Variants in LPA observed in about 807,000 individuals in gnomAD.
LPA encodes the protein lipoprotein(a), also known as apolipoprotein(a).
In LPA, 199 loss-of-function variants were observed where a neutral mutation model predicts 197.9. The ratio of observed to expected loss-of-function variants is 1.01; its 90% CI spans 0.90 to 1.13. The LOEUF (loss-of-function observed/expected upper bound fraction) is 1.13. LPA is among the 50% of genes most tolerant of loss of function. The probability of loss-of-function intolerance (pLI) is 0.00; values close to 1 mark genes in which losing one functional copy is unlikely to be tolerated. For missense variants in LPA, 1,853 were observed against 1,785.8 expected, an observed-to-expected ratio of 1.04 and a Z score of -0.68; for synonymous variants, 715 against 639.5, an observed-to-expected ratio of 1.12 and a Z score of -1.78.
intron 15 of LPA, 55 bp from the exon 16 acceptor site, chr6:160,611,776 T>G: frequency 2.4e-6 from 3 of 1,258,860 alleles, no homozygotes; most frequent in Middle Eastern, 2.3e-4. Flanking sequence ...ACGAAATATG[T>G]GAAGCCATTT....
chr6:160,597,210 T>A (rs1373289702), intron 20 of LPA, among the ~76,000 whole-genome samples: 2 of 152,220 alleles, frequency 1.3e-5, no homozygotes, highest in Non-Finnish European at 2.9e-5. Flanking sequence ...ATGTCTAATT[T>A]TCTGCATATT....
chr6:160,611,174 C>T (rs1251426105), intron 16 of LPA, among the ~76,000 whole-genome samples: 1 of 152,102 alleles, frequency 6.6e-6, no homozygotes, highest in Admixed American at 6.5e-5. Context: ...CTCATGAGCC[C>T]AGACAGAAAA....
intron 17 of LPA, 144 bp downstream of exon 17, chr6:160,606,333 G>T (rs1461048636): frequency 8.9e-6 from 11 of 1,240,886 alleles, no homozygotes; most frequent in African/African-American, 3.0e-5. Flanking sequence ...CCCAGAGAGT[G>T]CACGGAGGCT....
In LPA at chr6:160,555,923, T is replaced by A. The variant is rs918545915; in HGVS notation, c.4973+102A>T. 6.3e-6 allele frequency: 7 copies of A among 1,116,688 alleles called. No homozygotes were observed. The African/African-American group carries it at 9.2e-5, about 15-fold the overall frequency. The allele number at this position is 1,116,688 out of a possible 1,614,324, so 69.2% of individuals were successfully genotyped here. On this transcript the variant is annotated intron_variant, in intron 30 of 38. Coordinates refer to ENST00000316300, the MANE Select transcript of LPA (RefSeq NM_005577.4). ...TGGACATTTTGACACACCTTCTGGG[T>A]CTAAGGGAAATTTGTCCTAACAAGT...
intron 22 of LPA, 34 bp downstream of exon 22, chr6:160,593,924 G>C (rs1562336024): frequency 6.2e-7 from 1 of 1,611,348 alleles, no homozygotes; most frequent in African/African-American, 1.3e-5. Context: ...TAAGGGGGCT[G>C]CTGTCTGTCT....
chr6:160,547,672 T>G, intron 32 of LPA, 117 bp downstream of exon 32: 1 of 1,427,898 alleles, frequency 7.0e-7, no homozygotes, highest in Non-Finnish European at 9.8e-7. Flanking sequence ...GCACTTTCCA[T>G]GCTAAGGCTA....
intron 16 of LPA, among the ~76,000 whole-genome samples, chr6:160,609,886 A>G (rs1779450979): frequency 6.6e-6 from 1 of 151,532 alleles, no homozygotes; most frequent in Admixed American, 6.6e-5. Context: ...TTTTTGGTTA[A>G]TTTTTTCTTC....
At chr6:160,578,933 T>C (rs1040534454) in intron 26 of LPA, among the ~76,000 whole-genome samples, 3 of 152,212 alleles carry the variant, frequency 2.0e-5, no homozygotes, top group Non-Finnish European at 4.4e-5. Context: ...AAGTAGTATA[T>C]GCTCTCTATG....
At chr6:160,611,029 G>A (rs546136409) in intron 16 of LPA, among the ~76,000 whole-genome samples, 3 of 152,046 alleles carry the variant, frequency 2.0e-5, no homozygotes, top group African/African-American at 7.3e-5. Context: ...TCCTTCCTTG[G>A]ATCTTCTCTT....
chr6:160,547,076 A>G (rs1384660916), intron 32 of LPA, among the ~76,000 whole-genome samples: 1 of 152,134 alleles, frequency 6.6e-6, no homozygotes, highest in East Asian at 1.9e-4. Context: ...TGAGGGGGCG[A>G]TGGTTAAAGG....
At chr6:160,603,259 T>TGTGTGTGTGTGC (rs952043659) in intron 18 of LPA, among the ~76,000 whole-genome samples, 30 of 151,428 alleles carry the variant, frequency 2.0e-4, no homozygotes, top group Non-Finnish European at 2.9e-4. Context: ...TGTGTGTGTG[T>TGTGTGTGTGTGC]GCGTGCATGT....
intron 28 of LPA, among the ~76,000 whole-genome samples, chr6:160,570,551 G>A (rs1212689362): frequency 1.3e-5 from 2 of 152,172 alleles, no homozygotes; most frequent in Non-Finnish European, 2.9e-5. Context: ...GAGTTAATGG[G>A]TGCAGCACAC....
intron 14 of LPA, among the ~76,000 whole-genome samples, chr6:160,615,380 G>GTA (rs1554240255): frequency 7.9e-6 from 1 of 126,808 alleles, no homozygotes; most frequent in Admixed American, 7.6e-5. Flanking sequence ...GTGTGTGTGT[G>GTA]TGTGTAGCTC....
chr6:160,555,832 A>C (rs1437685388), intron 30 of LPA, among the ~76,000 whole-genome samples, 193 bp downstream of exon 30: 3 of 152,114 alleles, frequency 2.0e-5, no homozygotes, highest in Non-Finnish European at 4.4e-5. Flanking sequence ...CCATCAGACT[A>C]TTAGAAAAGA....
chr6:160,601,858 T>G (rs1278932324), intron 18 of LPA, among the ~76,000 whole-genome samples: 1 of 152,118 alleles, frequency 6.6e-6, no homozygotes, highest in Non-Finnish European at 1.5e-5. Flanking sequence ...ATTCCGGGAC[T>G]GAGGGAATGG....
chr6:160,634,623 A>G (rs1224574755), intron 7 of LPA, among the ~76,000 whole-genome samples: 1 of 149,342 alleles, frequency 6.7e-6, no homozygotes, highest in Non-Finnish European at 1.5e-5. Flanking sequence ...AGAGCCTTAG[A>G]GCATTGGGAG....
chr6:160,576,388 ATG>A (rs1491212490), intron 28 of LPA, among the ~76,000 whole-genome samples: 1,572 of 49,962 alleles, frequency 0.031, 34 homozygotes, highest in Non-Finnish European at 0.04. Context: ...ATATATATAT[ATG>A]TATATATATA....
At chr6:160,556,395 G>C (rs557327650) in intron 29 of LPA, among the ~76,000 whole-genome samples, 1 of 152,106 alleles carries the variant, frequency 6.6e-6, no homozygotes, top group East Asian at 1.9e-4. Context: ...AAACCTGGTG[G>C]GAAAAGGACC....
intron 33 of LPA, among the ~76,000 whole-genome samples, chr6:160,544,921 C>A (rs796879532): frequency 7.9e-5 from 12 of 152,292 alleles, no homozygotes; most frequent in African/African-American, 2.9e-4. Flanking sequence ...TAATGGGACT[C>A]ATGAGTAGTA....
Sources: allele counts gnomAD v4.1 joint callset (sites outside exome capture counted in the v4.1 genomes callset), GRCh38; gene constraint gnomAD v4.1.1; transcripts MANE v1.5; gene names NCBI Gene and HGNC (gene_info 2026-07-23, HGNC 2026-07-21).